The following ARHGEF7 variants were observed in gnomAD, a reference collection of about 807,000 sequenced individuals.
ARHGEF7 encodes PAK-interacting exchange factor beta.
In ARHGEF7, 33 loss-of-function variants were observed where a neutral mutation model predicts 109.8. The ratio of observed to expected loss-of-function variants is 0.30; its 90% CI spans 0.23 to 0.40. ARHGEF7 has a LOEUF of 0.40. Ranked by LOEUF, ARHGEF7 falls within the 10% of genes least tolerant of loss-of-function variation. The pLI, the probability that ARHGEF7 is intolerant of heterozygous loss-of-function variation, is 1.00. For missense variants in ARHGEF7, 938 were observed against 1,098.5 expected (o/e 0.85, Z 2.07); for synonymous variants, 458 against 424.6 (o/e 1.08, Z -0.97).
intron 2 of ARHGEF7, among the ~76,000 whole-genome samples, chr13:111,173,682 G>GT (rs1190777380): frequency 6.6e-6 from 1 of 152,164 alleles, no homozygotes; most frequent in Non-Finnish European, 1.5e-5. Context: ...GTCGGCTTGT[G>GT]TTTCATGGCT....
At chr13:111,294,586 T>C in intron 19 of ARHGEF7, 1 of 985,458 alleles carries the variant, frequency 1.0e-6, no homozygotes, top group Non-Finnish European at 1.2e-6. Flanking sequence ...TTTGCATTTG[T>C]TTTGAATGTC....
At chr13:111,182,853 C>T (rs1353542272) in intron 2 of ARHGEF7, among the ~76,000 whole-genome samples, 2 of 152,156 alleles carry the variant, frequency 1.3e-5, no homozygotes, top group Non-Finnish European at 2.9e-5. Context: ...AACAGTGCTT[C>T]GAGTACCCAT....
rs577478997 is a variant in ARHGEF7 at position 111,253,311 on chromosome 13, A to T, written c.950+9017A>T. On this transcript the variant is annotated intron_variant, in intron 8 of 21. Coordinates refer to ENST00000646102, the MANE Select transcript of ARHGEF7 (RefSeq NM_001354046.2). ...CCTCTATGGGAAAATGAATTCTTGG[A>T]ATCTAATAGTATCTTTTAAACGAGT... Among the ~76,000 whole-genome samples, 8 of 152,318 alleles carry T rather than the reference A, an allele frequency of 5.3e-5. No individual in the cohort carries two copies. The South Asian group carries it at 8.3e-4, about 16-fold the overall frequency.
chr13:111,186,884 C>T lies in ARHGEF7; in HGVS notation c.253-18405C>T, dbSNP rs950501639. ...TGGAAAGTGAGGAGAAGCAAAAAGACGACTACTTCTTTCCCCATTTCCCGG... is the reference window on the plus strand; with the variant it reads ...TGGAAAGTGAGGAGAAGCAAAAAGATGACTACTTCTTTCCCCATTTCCCGG... On this transcript the variant is annotated intron_variant, in intron 2 of 21. Coordinates refer to ENST00000646102, the MANE Select transcript of ARHGEF7 (RefSeq NM_001354046.2). 4.1e-6 allele frequency: 4 copies of T among 985,340 alleles called. No homozygotes were observed. The African/African-American group carries it at 5.2e-5, about 13-fold the overall frequency. The allele number at this position is 985,340 out of a possible 1,614,324, so 61.0% of individuals were successfully genotyped here. A position where few individuals can be genotyped will look rare whatever the true frequency, so the allele number is the denominator to read the frequency against.
upstream of ARHGEF7, chr13:111,115,301 C>G: frequency 6.5e-6 from 1 of 155,016 alleles, no homozygotes; most frequent in Non-Finnish European, 1.4e-5. Context: ...GGGGCGGCGG[C>G]GGGCGCCCGC....
At chr13:111,225,063 C>T (rs1017547150) in intron 5 of ARHGEF7, among the ~76,000 whole-genome samples, 3 of 152,018 alleles carry the variant, frequency 2.0e-5, no homozygotes, top group Non-Finnish European at 2.9e-5. Context: ...ATGTTTCTGG[C>T]GTGTGAAAGT....
chr13:111,168,928 G>A (rs1431242717), intron 2 of ARHGEF7, among the ~76,000 whole-genome samples: 2 of 152,194 alleles, frequency 1.3e-5, no homozygotes, highest in African/African-American at 4.8e-5. Flanking sequence ...GTTCTTTGAT[G>A]CCTGTGCCAG....
chr13:111,254,611 C>T (rs985988736), intron 8 of ARHGEF7, among the ~76,000 whole-genome samples: 1 of 148,250 alleles, frequency 6.7e-6, no homozygotes, highest in Admixed American at 6.7e-5. Flanking sequence ...GGCTAAGGCG[C>T]TGAGTCGCTA....
intron 1 of ARHGEF7, among the ~76,000 whole-genome samples, chr13:111,135,997 T>G (rs889966900): frequency 6.6e-6 from 1 of 152,242 alleles, no homozygotes; most frequent in African/African-American, 2.4e-5. Context: ...TGAGAGTTTT[T>G]AGCATGAAGG....
chr13:111,273,789 G>GTC lies in ARHGEF7; in HGVS notation c.1074-19_1074-18dup, dbSNP rs753723031. 1 of 1,613,328 alleles carries GTC rather than the reference G, an allele frequency of 6.2e-7. No individual in the cohort carries two copies. The highest frequency in any genetic ancestry group is 8.5e-7 in the Non-Finnish European group (1 of 1,179,290). ...TTGTCTCTCATTGCTAACCACGAGT[G>GTC]TCTCTCTTGCCACTTGCTGCCCAGT... On this transcript the variant is annotated intron_variant, in intron 9 of 21. Coordinates refer to ENST00000646102, the MANE Select transcript of ARHGEF7 (RefSeq NM_001354046.2). This position sits in a 1 kb window ranked among gnomAD's most constrained non-coding sequence, Gnocchi z 4.5.
At chr13:111,186,710 A>C (rs1043421320) in intron 2 of ARHGEF7, 17 of 610,134 alleles carry the variant, frequency 2.8e-5, no homozygotes, top group Admixed American at 6.3e-5. Context: ...TGCTAAAAAT[A>C]ACAATTTCTT....
chr13:111,169,177 G>T (rs1023895268), intron 2 of ARHGEF7, among the ~76,000 whole-genome samples: 1 of 152,228 alleles, frequency 6.6e-6, no homozygotes, highest in Admixed American at 6.5e-5. Context: ...ACTTGGCATT[G>T]TTGGGAAGAG....
chr13:111,136,724 A>T (rs2075105453), intron 1 of ARHGEF7, among the ~76,000 whole-genome samples: 1 of 152,240 alleles, frequency 6.6e-6, no homozygotes, highest in African/African-American at 2.4e-5. Flanking sequence ...AGCTAGCAGA[A>T]GGCAAGAAAT....
At chr13:111,207,526 A>G (rs1156448222) in intron 3 of ARHGEF7, among the ~76,000 whole-genome samples, 2 of 152,222 alleles carry the variant, frequency 1.3e-5, no homozygotes, top group African/African-American at 4.8e-5. Flanking sequence ...AATAGCACAG[A>G]TATGTAAAAT....
intron 19 of ARHGEF7, among the ~76,000 whole-genome samples, chr13:111,297,836 CAG>C (rs1469494137): frequency 7.9e-5 from 12 of 152,212 alleles, no homozygotes; most frequent in African/African-American, 2.9e-4. Flanking sequence ...ATGTTGGAAA[CAG>C]ATGATATAAA....
intron 1 of ARHGEF7, among the ~76,000 whole-genome samples, chr13:111,149,705 CT>C (rs1485836123): frequency 6.6e-6 from 1 of 152,162 alleles, no homozygotes; most frequent in East Asian, 1.9e-4. Context: ...GCATTATGTA[CT>C]CCTATGACTG....
intron 5 of ARHGEF7, among the ~76,000 whole-genome samples, chr13:111,229,349 A>G (rs545771001): frequency 2.6e-4 from 40 of 152,248 alleles, no homozygotes; most frequent in African/African-American, 6.7e-4. Context: ...TGTATTATCT[A>G]TTCCTCTGCC....
In ARHGEF7 at chr13:111,300,784, CAGA is replaced by C. The variant is rs534120919; in HGVS notation, c.2355_2357del (p.Glu786del). 8.0e-5 allele frequency: 129 copies of C among 1,611,310 alleles called. No individual in the cohort carries two copies. The Admixed American group carries it at 1.6e-3, about 20-fold the overall frequency. On this transcript the variant is annotated inframe_deletion, in exon 20 of 22. Transcript: ENST00000646102. ...GAATCTGCTCCACAAGTTTTGCTTC[CAGA>C]AGAAGAGAAAATTATAGTGGAAGAA...
chr13:111,219,410 C>T (rs9522160), intron 5 of ARHGEF7, among the ~76,000 whole-genome samples: 46,426 of 152,178 alleles, frequency 0.31, 8,054 homozygotes, highest in Non-Finnish European at 0.39. Flanking sequence ...ACTTGGGTTA[C>T]TTTCACCTCT....
Sources: allele counts gnomAD v4.1 joint callset (sites outside exome capture counted in the v4.1 genomes callset), GRCh38; gene constraint gnomAD v4.1.1; non-coding constraint Gnocchi (gnomAD v3.1); transcripts MANE v1.5; gene names NCBI Gene and HGNC (gene_info 2026-07-23, HGNC 2026-07-21).